PPFIA1: variants seen among roughly 807,000 people sequenced by gnomAD.
The protein encoded by PPFIA1 is PPFI scaffold protein A1.
PPFIA1 carries 25 observed loss-of-function variants against 149.9 expected under a neutral mutation model. That is an observed-to-expected ratio of 0.17 (90% CI 0.12 to 0.23). The LOEUF (loss-of-function observed/expected upper bound fraction) is 0.23, where lower values mean the gene tolerates loss of function less well. Among genes scored for constraint, PPFIA1 ranks in the 10% least tolerant of loss-of-function variants. The pLI is 1.00. For missense variants in PPFIA1, 1,362 were observed against 1,506.5 expected, an observed-to-expected ratio of 0.90 and a Z score of 1.59; for synonymous variants, 549 against 552.8, an observed-to-expected ratio of 0.99 and a Z score of 0.10.
At chr11:70,317,694 G>C (rs2053716281) in intron 2 of PPFIA1, among the ~76,000 whole-genome samples, 1 of 152,094 alleles carries the variant, frequency 6.6e-6, no homozygotes, top group Non-Finnish European at 1.5e-5. Context: ...ACAGCGTGCT[G>C]GGGGGTTTGT....
chr11:70,321,481 C>T (rs2053938569), intron 2 of PPFIA1: 1 of 152,144 alleles, frequency 6.6e-6, no homozygotes. Context: ...GCATTTACTG[C>T]ATCGGAAATT....
At chr11:70,322,257 C>A (rs189219719) in intron 2 of PPFIA1, among the ~76,000 whole-genome samples, 9 of 152,150 alleles carry the variant, frequency 5.9e-5, no homozygotes, top group African/African-American at 2.2e-4. Context: ...TCCTCATGTA[C>A]GAACCCCTTC....
Position 70,335,712 on chromosome 11 carries a change from G to GTC in PPFIA1, c.1428+18_1428+19insTC. On this transcript the variant is annotated intron_variant, in intron 11 of 27. Coordinates refer to ENST00000253925, the MANE Select transcript of PPFIA1 (RefSeq NM_003626.5). ...AAGATAAGGTAAGTTAGATAACACG[G>GTC]ACATGCTGGAGCTTTCCCACCCTCT... 6.2e-7 allele frequency: 1 copy of GTC among 1,613,002 alleles called. No homozygotes were observed. The highest frequency in any genetic ancestry group is 8.5e-7 in the Non-Finnish European group (1 of 1,179,412).
intron 2 of PPFIA1, among the ~76,000 whole-genome samples, chr11:70,295,597 T>C (rs1490750383): frequency 3.5e-5 from 4 of 114,020 alleles, no homozygotes; most frequent in Non-Finnish European, 3.6e-5. Context: ...AGCGGCTGGC[T>C]GGGCAGAGGG....
At chr11:70,297,503 C>T (rs1255907747) in intron 2 of PPFIA1, among the ~76,000 whole-genome samples, 1 of 152,150 alleles carries the variant, frequency 6.6e-6, no homozygotes, top group East Asian at 1.9e-4. Flanking sequence ...AGTGTGTCCA[C>T]AGTGGGTGTA....
chr11:70,311,223 C>T (rs1591162067), intron 2 of PPFIA1, among the ~76,000 whole-genome samples: 1 of 151,652 alleles, frequency 6.6e-6, no homozygotes, highest in South Asian at 2.1e-4. Context: ...GCAGGAGAAT[C>T]GCTGAACCTG....
In PPFIA1 at chr11:70,383,110, C is replaced by A. The variant is rs756993753; in HGVS notation, c.*120C>A. On this transcript the variant is annotated 3_prime_UTR_variant, in exon 28 of 28. Transcript: ENST00000253925. The stretch of plus-strand genomic sequence containing the variant: ...ATCTTGTTAATACTTGTTATATGGA[C>A]CCTAAGATATTTTATTACAGAGTTT... 2.6e-6 allele frequency: 1 copy of A among 383,676 alleles called. No homozygotes were observed. Among genetic ancestry groups the A allele is most frequent in the South Asian group, 1.9e-5 (1 of 51,420 alleles). The allele number at this position is 383,676 out of a possible 1,614,324, so 23.8% of individuals were successfully genotyped here. A position where few individuals can be genotyped will look rare whatever the true frequency, so the allele number is the denominator to read the frequency against.
rs1013173315 is a variant in PPFIA1 at position 70,348,362 on chromosome 11, C to A, written c.2105C>A (p.Pro702Gln). The part of the protein sequence containing the change: ...SSPPGSGRST[P>Q]RRIPHSPARE... Reference sequence around the variant, plus strand: ...CCTCCGGGCAGTGGGCGCTCCACCCCACGAAGGATCCCTCACAGCCCAGCT... The same window carrying A: ...CCTCCGGGCAGTGGGCGCTCCACCCAACGAAGGATCCCTCACAGCCCAGCT... The change falls in exon 16 of 28, where the codon CCA becomes CAA. Residue 702 changes from proline to glutamine, a missense_variant. Pro to Gln is a moderately conservative substitution (Grantham distance 76). Transcript: ENST00000253925. 6 of 1,614,010 alleles carry A rather than the reference C, an allele frequency of 3.7e-6. No homozygotes were observed. Among genetic ancestry groups the A allele is most frequent in the East Asian group, 4.5e-5 (2 of 44,868 alleles).
At chr11:70,374,612 G>A in intron 23 of PPFIA1, 1 of 299,270 alleles carries the variant, frequency 3.3e-6, no homozygotes, top group Admixed American at 5.4e-5. Context: ...AGTTCTTGCA[G>A]TCCTCTGGCT....
chr11:70,272,119 G>T, intron 1 of PPFIA1, 54 bp from the exon 2 acceptor site: 1 of 1,558,650 alleles, frequency 6.4e-7, no homozygotes, highest in Admixed American at 1.8e-5. Context: ...TTGCATATTT[G>T]TGGGAACCTG....
At chr11:70,354,533 G>C (rs1366065698) in intron 17 of PPFIA1, 81 bp downstream of exon 17, 3 of 1,408,650 alleles carry the variant, frequency 2.1e-6, no homozygotes, top group Non-Finnish European at 2.8e-6. Context: ...ATCTTTCCTT[G>C]AGTAAAACAG....
rs775721739 is a variant in PPFIA1, at chr11:70,378,452, C to T, written c.3550+257C>T. 4.1e-5 allele frequency: 49 copies of T among 1,194,812 alleles called. No homozygotes were observed. In the South Asian group the frequency reaches 4.5e-4, roughly 11 times the overall value. 74.0% of individuals were successfully genotyped at this position (1,194,812 alleles called of 1,614,324 possible). ...TTTCCAACTAATAAAGCTCAGTATT[C>T]GTCTGTGTTCTCAGAGAGAGACTGA... On this transcript the variant is annotated intron_variant, in intron 26 of 27. Transcript: ENST00000253925.
At chr11:70,333,367 A>G in intron 9 of PPFIA1, 103 bp from the exon 10 acceptor site, 2 of 849,378 alleles carry the variant, frequency 2.4e-6, no homozygotes, top group Non-Finnish European at 4.0e-6. Flanking sequence ...ATGGCGGAGC[A>G]GCCCACGCAG....
At chr11:70,321,005 T>A (rs930169898) in intron 2 of PPFIA1, among the ~76,000 whole-genome samples, 1 of 152,214 alleles carries the variant, frequency 6.6e-6, no homozygotes, top group African/African-American at 2.4e-5. Context: ...ACACTAGTGC[T>A]ATGGGCTGAA....
intron 2 of PPFIA1, chr11:70,284,152 A>G: frequency 2.3e-6 from 1 of 427,976 alleles, no homozygotes. Flanking sequence ...AATTGGAATA[A>G]GGTAAAACTA....
At chr11:70,288,098 G>A (rs55681384) in intron 2 of PPFIA1, among the ~76,000 whole-genome samples, 18,641 of 147,122 alleles carry the variant, frequency 0.13, 1,265 homozygotes, top group Admixed American at 0.18. Flanking sequence ...TTTTTGAGAC[G>A]GAGTCTTGCT....
chr11:70,280,172 T>C (rs1355086128), intron 2 of PPFIA1, among the ~76,000 whole-genome samples: 1 of 151,850 alleles, frequency 6.6e-6, no homozygotes, highest in Non-Finnish European at 1.5e-5. Flanking sequence ...TCTCCGAAAG[T>C]GTTGGGATTA....
intron 2 of PPFIA1, among the ~76,000 whole-genome samples, chr11:70,309,976 A>G (rs2053151106): frequency 6.6e-6 from 1 of 152,212 alleles, no homozygotes; most frequent in Non-Finnish European, 1.5e-5. Flanking sequence ...TGAATTGTAC[A>G]CTTAAAATGG....
At chr11:70,290,698 A>G (rs572642674) in intron 2 of PPFIA1, among the ~76,000 whole-genome samples, 4 of 152,180 alleles carry the variant, frequency 2.6e-5, no homozygotes, top group Non-Finnish European at 5.9e-5. Flanking sequence ...AGCTTGAAGC[A>G]TATTGTACAT....
Sources: gnomAD v4.1 joint callset for allele counts (sites outside exome capture counted in the v4.1 genomes callset) on GRCh38, gnomAD v4.1.1 for gene constraint, MANE v1.5 for transcripts, NCBI Gene and HGNC (gene_info 2026-07-23, HGNC 2026-07-21) for gene names.